Variants in SLC30A8 observed in about 807,000 individuals in gnomAD.
The protein encoded by SLC30A8 is proton-coupled zinc antiporter SLC30A8.
A neutral mutation model predicts 36.9 loss-of-function variants in SLC30A8; 27 were observed. That is an observed-to-expected ratio of 0.73 (90% CI 0.54 to 1.01). The LOEUF (loss-of-function observed/expected upper bound fraction) is 1.01. Among genes scored for constraint, SLC30A8 ranks in the 50% least tolerant of loss-of-function variants. The pLI is 0.00. For missense variants in SLC30A8, 439 were observed against 452.0 expected (o/e 0.97, Z 0.26); for synonymous variants, 164 against 172.4 (o/e 0.95, Z 0.38).
intron 1 of SLC30A8, among the ~76,000 whole-genome samples, chr8:117,143,959 A>G (rs537561010): frequency 6.6e-6 from 1 of 152,170 alleles, no homozygotes; most frequent in Admixed American, 6.5e-5. Flanking sequence ...AGGATAAATT[A>G]TCTCTCCTGG....
At chr8:117,155,056 G>A (rs1822404336) in intron 3 of SLC30A8, among the ~76,000 whole-genome samples, 1 of 152,130 alleles carries the variant, frequency 6.6e-6, no homozygotes, top group South Asian at 2.1e-4. Flanking sequence ...ATACAGAGGT[G>A]AGTCCAACAC....
At chr8:117,062,368 G>A (rs1290094922) in intron 2 of SLC30A8, among the ~76,000 whole-genome samples, 2 of 152,150 alleles carry the variant, frequency 1.3e-5, no homozygotes, top group Non-Finnish European at 2.9e-5. Context: ...CAGCTTCTGG[G>A]GAGGCCTCAA....
intron 1 of SLC30A8, among the ~76,000 whole-genome samples, chr8:116,951,431 C>G (rs941421159): frequency 1.3e-5 from 2 of 152,178 alleles, no homozygotes; most frequent in East Asian, 1.9e-4. Flanking sequence ...GGATTGCTAT[C>G]TGCTCCTCCT....
chr8:117,018,870 C>T (rs192895045), intron 1 of SLC30A8, among the ~76,000 whole-genome samples: 1,548 of 152,170 alleles, frequency 0.01, 23 homozygotes, highest in African/African-American at 0.034. Flanking sequence ...ACCATGTTGG[C>T]CAGGCTGGTC....
intron 2 of SLC30A8, among the ~76,000 whole-genome samples, chr8:117,100,296 AT>A (rs1302698427): frequency 6.6e-6 from 1 of 152,200 alleles, no homozygotes; most frequent in East Asian, 1.9e-4. Flanking sequence ...AGCTTGAGCA[AT>A]ATCACAGTGG....
rs1324525828 is a variant in SLC30A8, at chr8:117,172,808, A to G, written c.*127A>G. ...CATGTCATGGTGCAATGCACATTTT[A>G]TCTATTTATTTAGTTCCATTCACCA... On this transcript the variant is annotated 3_prime_UTR_variant, in exon 8 of 8. Transcript: ENST00000456015. The G allele has an allele frequency of 1.8e-5, 20 of 1,096,654 alleles. No individual in the cohort carries two copies. The East Asian group carries it at 4.0e-4, about 22-fold the overall frequency. The allele number at this position is 1,096,654 out of a possible 1,614,324, so 67.9% of individuals were successfully genotyped here.
intron 1 of SLC30A8, among the ~76,000 whole-genome samples, chr8:116,991,479 A>G (rs767407341): frequency 6.6e-6 from 1 of 151,840 alleles, no homozygotes; most frequent in Non-Finnish European, 1.5e-5. Context: ...TCATTTTTGT[A>G]TTTTTAGTAG....
chr8:117,117,579 A>G (rs1158814028), intron 2 of SLC30A8, among the ~76,000 whole-genome samples: 2 of 152,022 alleles, frequency 1.3e-5, no homozygotes, highest in African/African-American at 4.8e-5. Context: ...AGTGAAATAG[A>G]ATTTCAGATG....
At chr8:117,120,714 T>C (rs1454464825) in intron 2 of SLC30A8, among the ~76,000 whole-genome samples, 1 of 151,726 alleles carries the variant, frequency 6.6e-6, no homozygotes. Context: ...ATATCTGATA[T>C]GGGGTTAATA....
intron 2 of SLC30A8, among the ~76,000 whole-genome samples, chr8:117,110,489 G>A (rs750411448): frequency 2.0e-5 from 3 of 152,176 alleles, no homozygotes; most frequent in Non-Finnish European, 2.9e-5. Flanking sequence ...TCTCAGGGGC[G>A]GCCATCAAAC....
chr8:117,044,610 G>T (rs1817490156), intron 2 of SLC30A8, among the ~76,000 whole-genome samples: 1 of 152,174 alleles, frequency 6.6e-6, no homozygotes, highest in Middle Eastern at 3.2e-3. Flanking sequence ...TATTGAGCGT[G>T]GTTTTCAGAG....
chr8:117,094,299 A>G (rs1819263324), intron 2 of SLC30A8, among the ~76,000 whole-genome samples: 1 of 152,224 alleles, frequency 6.6e-6, no homozygotes, highest in Non-Finnish European at 1.5e-5. Flanking sequence ...AAGTACACAG[A>G]CAAGTGGAGG....
chr8:116,988,488 C>T (rs964679221), intron 1 of SLC30A8, among the ~76,000 whole-genome samples: 3 of 152,142 alleles, frequency 2.0e-5, no homozygotes, highest in African/African-American at 4.8e-5. Context: ...TCTTTGGGAG[C>T]GGTGCTTTGG....
At chr8:117,035,627 C>CT (rs1398259582) in intron 1 of SLC30A8, among the ~76,000 whole-genome samples, 2 of 152,258 alleles carry the variant, frequency 1.3e-5, no homozygotes, top group Non-Finnish European at 2.9e-5. Flanking sequence ...AGTGAGGACT[C>CT]TGTGTGGGGG....
rs186926709 is a variant in SLC30A8 at position 117,047,874 on chromosome 8, G to A, written c.-226+8616G>A. Reference sequence around the variant, plus strand: ...CAAAACCCACCAAAACCAAGATGGTGACAAGAGTGACCTCTGGTCATTCCT... The same window carrying A: ...CAAAACCCACCAAAACCAAGATGGTAACAAGAGTGACCTCTGGTCATTCCT... On this transcript the variant is annotated intron_variant, in intron 2 of 10. Coordinates refer to the SLC30A8 transcript ENST00000427715. Among the ~76,000 whole-genome samples, 5 of 152,294 alleles carry A rather than the reference G, an allele frequency of 3.3e-5. No individual in the cohort carries two copies. In the East Asian group the frequency reaches 7.7e-4, roughly 24 times the overall value.
At chr8:117,070,348 G>T (rs1373000506) in intron 2 of SLC30A8, among the ~76,000 whole-genome samples, 1 of 152,132 alleles carries the variant, frequency 6.6e-6, no homozygotes, top group African/African-American at 2.4e-5. Context: ...TTGGCCGTTG[G>T]TGCTGACCAC....
At chr8:117,126,949 A>G (rs903656696) in intron 2 of SLC30A8, among the ~76,000 whole-genome samples, 2 of 152,004 alleles carry the variant, frequency 1.3e-5, no homozygotes, top group Non-Finnish European at 2.9e-5. Flanking sequence ...GGCAAAGGCG[A>G]CAGTACTGGG....
At chr8:117,054,579 T>C (rs1191841390) in intron 2 of SLC30A8, among the ~76,000 whole-genome samples, 1 of 152,052 alleles carries the variant, frequency 6.6e-6, no homozygotes, top group African/African-American at 2.4e-5. Flanking sequence ...TAATTAGCAC[T>C]GAACAAGTTT....
chr8:117,167,504 T>TATATATATATATATATATAC (rs1491223080), intron 6 of SLC30A8, among the ~76,000 whole-genome samples: 1,586 of 141,676 alleles, frequency 0.011, 63 homozygotes, highest in Non-Finnish European at 0.017. Flanking sequence ...CATACATACA[T>TATATATATATATATATATAC]GTATATGTAT....
Sources: gnomAD v4.1 joint callset for allele counts (sites outside exome capture counted in the v4.1 genomes callset) on GRCh38, gnomAD v4.1.1 for gene constraint, MANE v1.5 for transcripts, NCBI Gene and HGNC (gene_info 2026-07-23, HGNC 2026-07-21) for gene names.